The following LDLRAD3 variants were observed in gnomAD, a reference collection of about 807,000 sequenced individuals.
LDLRAD3 encodes low density lipoprotein receptor class A domain containing 3, also known as low-density lipoprotein receptor class A domain-containing protein 3.
Under a neutral mutation model 29.4 loss-of-function variants are expected in LDLRAD3, and 20 were observed. The ratio of observed to expected loss-of-function variants is 0.68; its 90% CI spans 0.48 to 0.99. The LOEUF is 0.99. Among genes scored for constraint, LDLRAD3 ranks in the 50% least tolerant of loss-of-function variants. The probability of loss-of-function intolerance (pLI) is 0.00; values close to 1 mark genes in which losing one functional copy is unlikely to be tolerated. For synonymous variants in LDLRAD3, 157 were observed against 192.7 expected (o/e 0.81, Z 1.53); for missense variants, 420 against 454.3 (o/e 0.92, Z 0.69).
intron 4 of LDLRAD3, among the ~76,000 whole-genome samples, chr11:36,155,883 C>T (rs950307182): frequency 6.6e-6 from 1 of 152,166 alleles, no homozygotes; most frequent in African/African-American, 2.4e-5. Flanking sequence ...GGCCTGCCTT[C>T]CCCCTGCCTT....
chr11:36,068,914 G>T (rs1270711392), intron 2 of LDLRAD3, among the ~76,000 whole-genome samples: 2 of 152,192 alleles, frequency 1.3e-5, no homozygotes, highest in African/African-American at 2.4e-5. Flanking sequence ...GTTTTGGAAA[G>T]AATTTTCTAC....
At chr11:36,179,290 A>G (rs59459290) in intron 4 of LDLRAD3, among the ~76,000 whole-genome samples, 7,513 of 152,230 alleles carry the variant, frequency 0.049, 422 homozygotes, top group East Asian at 0.33. Context: ...CCTGGCTAAC[A>G]TGGTGAAACC....
chr11:36,019,581 G>A (rs537255065), intron 1 of LDLRAD3, among the ~76,000 whole-genome samples: 19 of 152,292 alleles, frequency 1.2e-4, no homozygotes, highest in Admixed American at 1.1e-3. Context: ...GTTGATAACA[G>A]AGGCAAGCTT....
chr11:36,010,043 G>A (rs262404), intron 1 of LDLRAD3: 135,648 of 154,398 alleles, frequency 0.88, 60,592 homozygotes, highest in East Asian at 0.98. Context: ...GGACTGAAGA[G>A]TATAACCTAC....
At chr11:36,033,375 T>C (rs1024442893) in intron 1 of LDLRAD3, among the ~76,000 whole-genome samples, 2 of 152,156 alleles carry the variant, frequency 1.3e-5, no homozygotes, top group South Asian at 4.1e-4. Context: ...ACAGACATGG[T>C]ATTTAGTCTC....
chr11:35,995,816 C>T (rs947794141), intron 1 of LDLRAD3, among the ~76,000 whole-genome samples: 1 of 152,244 alleles, frequency 6.6e-6, no homozygotes, highest in Non-Finnish European at 1.5e-5. Flanking sequence ...CTGCCTTCCA[C>T]AAACCTCATG....
intron 4 of LDLRAD3, chr11:36,196,416 A>G (rs914389692): frequency 6.6e-6 from 1 of 152,226 alleles, no homozygotes; most frequent in Non-Finnish European, 1.5e-5. Flanking sequence ...ATGGGGTAGC[A>G]GTTTAAACAT....
chr11:36,054,481 G>C (rs552444189), intron 2 of LDLRAD3, among the ~76,000 whole-genome samples: 1 of 152,340 alleles, frequency 6.6e-6, no homozygotes, highest in Non-Finnish European at 1.5e-5. Flanking sequence ...ATGGAACCTA[G>C]AGCATGGGGT....
At chr11:36,145,267 C>A (rs1303713871) in intron 4 of LDLRAD3, among the ~76,000 whole-genome samples, 1 of 104,202 alleles carries the variant, frequency 9.6e-6, no homozygotes, top group Admixed American at 8.1e-5. Flanking sequence ...GGGGGTCAGC[C>A]CCCCGCCCGG....
At position 36,117,825 on chromosome 11, in the gene LDLRAD3, A is replaced by G. The variant is rs144292642; in HGVS notation, c.454+19364A>G. On this transcript the variant is annotated intron_variant, in intron 4 of 5. Transcript: ENST00000315571. ...CTCCTAATATGGTGGTAAAATTCAG[A>G]TTATTATGTAAGATATCTATAAACA... Among the ~76,000 whole-genome samples, 8 of 152,336 alleles carry G rather than the reference A, an allele frequency of 5.3e-5. 1 individual carries two copies. Among genetic ancestry groups the G allele is most frequent in the African/African-American group, 1.7e-4 (7 of 41,578 alleles).
At chr11:36,052,001 A>T (rs563757468) in intron 2 of LDLRAD3, among the ~76,000 whole-genome samples, 1 of 152,172 alleles carries the variant, frequency 6.6e-6, no homozygotes, top group Non-Finnish European at 1.5e-5. Context: ...GGAGCCCAGG[A>T]ATCTGCATCT....
At chr11:35,973,975 T>C (rs1014257905) in intron 1 of LDLRAD3, among the ~76,000 whole-genome samples, 1 of 152,230 alleles carries the variant, frequency 6.6e-6, no homozygotes, top group Non-Finnish European at 1.5e-5. Flanking sequence ...GTAAGAACCA[T>C]GTGTAGTTTC....
At chr11:36,191,576 C>CTCTCTCTCTCTCTCTCTATA (rs377747518) in intron 4 of LDLRAD3, among the ~76,000 whole-genome samples, 14 of 53,420 alleles carry the variant, frequency 2.6e-4, no homozygotes, top group African/African-American at 4.1e-4. Context: ...CTCTCTCTCT[C>CTCTCTCTCTCTCTCTCTATA]TATATATATA....
chr11:35,946,392 C>T (rs1451593151), intron 1 of LDLRAD3, among the ~76,000 whole-genome samples: 1 of 152,236 alleles, frequency 6.6e-6, no homozygotes, highest in African/African-American at 2.4e-5. Context: ...GGCTGGAAAG[C>T]CACTGACATT....
At chr11:36,034,853 G>C (rs982926424) in intron 1 of LDLRAD3, among the ~76,000 whole-genome samples, 4 of 152,200 alleles carry the variant, frequency 2.6e-5, no homozygotes, top group Non-Finnish European at 4.4e-5. Context: ...GGCATCCCTG[G>C]TAAAAAGAAC....
At chr11:36,208,883 A>G (rs1178505321) in intron 4 of LDLRAD3, among the ~76,000 whole-genome samples, 1 of 152,246 alleles carries the variant, frequency 6.6e-6, no homozygotes, top group Non-Finnish European at 1.5e-5. Flanking sequence ...GGATATTTGC[A>G]TAGTTTCAAA....
At chr11:36,194,303 G>A (rs774672097) in intron 4 of LDLRAD3, among the ~76,000 whole-genome samples, 3 of 152,130 alleles carry the variant, frequency 2.0e-5, no homozygotes, top group East Asian at 1.9e-4. Flanking sequence ...TAGGGCAGGC[G>A]TCTCTCATCT....
At chr11:35,945,314 C>T (rs1445875938) in intron 1 of LDLRAD3, among the ~76,000 whole-genome samples, 1 of 152,194 alleles carries the variant, frequency 6.6e-6, no homozygotes, top group African/African-American at 2.4e-5. Context: ...GGGATATCTC[C>T]TCTCTTCCTT....
intron 4 of LDLRAD3, among the ~76,000 whole-genome samples, chr11:36,099,237 G>A (rs1343315046): frequency 6.6e-6 from 1 of 152,162 alleles, no homozygotes; most frequent in Non-Finnish European, 1.5e-5. Flanking sequence ...GTCTGAGGAG[G>A]ACACAATGGG....
Sources: gnomAD v4.1 joint callset for allele counts (sites outside exome capture counted in the v4.1 genomes callset) on GRCh38, gnomAD v4.1.1 for gene constraint, MANE v1.5 for transcripts, NCBI Gene and HGNC (gene_info 2026-07-23, HGNC 2026-07-21) for gene names.